CSTPP1: variants seen among roughly 807,000 people sequenced by gnomAD.
CSTPP1 encodes the protein UPF0705 protein C11orf49.
At chr11:47,011,653 G>A in the CSTPP1 span, among the ~76,000 whole-genome samples, 1 of 152,132 alleles carries the variant, frequency 6.6e-6, no homozygotes, top group Non-Finnish European at 1.5e-5. Context: ...CAAGAACTAC[G>A]ACTGGCTTGT....
chr11:46,996,702 A>T, the CSTPP1 span, among the ~76,000 whole-genome samples: 1 of 152,110 alleles, frequency 6.6e-6, no homozygotes, highest in African/African-American at 2.4e-5. Flanking sequence ...AGTGGCTGGT[A>T]CTGGTTTTTC....
At chr11:47,162,277 G>A in the CSTPP1 span, 1 of 984,844 alleles carries the variant, frequency 1.0e-6, no homozygotes, top group South Asian at 4.7e-5. Context: ...TAGGCTGAGG[G>A]GAGAAGGGAG....
At chr11:47,146,031 A>C in the CSTPP1 span, among the ~76,000 whole-genome samples, 1 of 152,048 alleles carries the variant, frequency 6.6e-6, no homozygotes, top group South Asian at 2.1e-4. Flanking sequence ...CTACAGGTGC[A>C]CACCACCACA....
the CSTPP1 span, among the ~76,000 whole-genome samples, chr11:47,046,524 T>C: frequency 6.6e-6 from 1 of 151,992 alleles, no homozygotes; most frequent in African/African-American, 2.4e-5. Flanking sequence ...TGAATGAAAT[T>C]AAAGAAGAGC....
the CSTPP1 span, among the ~76,000 whole-genome samples, chr11:47,144,152 A>C: frequency 6.6e-6 from 1 of 152,186 alleles, no homozygotes; most frequent in African/African-American, 2.4e-5. Context: ...CACCAACAAA[A>C]CCATGAACAC....
chr11:47,072,717 C>T, the CSTPP1 span, among the ~76,000 whole-genome samples: 1 of 151,440 alleles, frequency 6.6e-6, no homozygotes, highest in Non-Finnish European at 1.5e-5. Context: ...AAAAAATGAA[C>T]TTATAATTAC....
At chr11:47,014,694 A>G in the CSTPP1 span, among the ~76,000 whole-genome samples, 1 of 150,088 alleles carries the variant, frequency 6.7e-6, no homozygotes, top group African/African-American at 2.5e-5. Context: ...AACGAGCGAA[A>G]CTCTGTCTCA....
chr11:47,089,380 G>A, the CSTPP1 span, among the ~76,000 whole-genome samples: 1 of 152,012 alleles, frequency 6.6e-6, no homozygotes, highest in African/African-American at 2.4e-5. Flanking sequence ...ATTGTCTAAT[G>A]TTCATTGGAA....
the CSTPP1 span, among the ~76,000 whole-genome samples, chr11:46,988,119 T>G: frequency 6.6e-6 from 1 of 152,164 alleles, no homozygotes; most frequent in Admixed American, 6.5e-5. Context: ...GATGGGGATG[T>G]AAATTAGTAT....
the CSTPP1 span, among the ~76,000 whole-genome samples, chr11:46,983,377 C>T: frequency 6.6e-6 from 1 of 152,306 alleles, no homozygotes; most frequent in East Asian, 1.9e-4. Context: ...AAATGCTTAT[C>T]TCAGACAGTG....
the CSTPP1 span, among the ~76,000 whole-genome samples, chr11:47,050,119 C>T: frequency 6.6e-6 from 1 of 152,106 alleles, no homozygotes; most frequent in African/African-American, 2.4e-5. Flanking sequence ...GAAACAGATA[C>T]ACCAGGAAAA....
chr11:47,145,415 C>T, the CSTPP1 span, among the ~76,000 whole-genome samples: 2 of 151,880 alleles, frequency 1.3e-5, no homozygotes, highest in East Asian at 2.0e-4. Flanking sequence ...CATGGTGAAA[C>T]CCCGTCTCTA....
At chr11:47,145,608 T>C in the CSTPP1 span, among the ~76,000 whole-genome samples, 1 of 151,928 alleles carries the variant, frequency 6.6e-6, no homozygotes, top group African/African-American at 2.4e-5. Context: ...CAAGACTCTG[T>C]CCCTCCCAAA....
the CSTPP1 span, among the ~76,000 whole-genome samples, chr11:46,986,259 C>T: frequency 3.3e-5 from 5 of 152,090 alleles, no homozygotes; most frequent in Non-Finnish European, 5.9e-5. Flanking sequence ...TTTTATTATA[C>T]GCCCATGATT....
chr11:47,125,344 A>G, the CSTPP1 span, among the ~76,000 whole-genome samples: 1 of 152,170 alleles, frequency 6.6e-6, no homozygotes, highest in African/African-American at 2.4e-5. Context: ...TGTGGTCTTC[A>G]TAAGCACGCC....
chr11:47,157,883 A>T, the CSTPP1 span: 13 of 1,613,898 alleles, frequency 8.1e-6, no homozygotes, highest in Admixed American at 8.3e-5. Context: ...TGGATTCCTC[A>T]TGGCTCTCTC....
the CSTPP1 span, among the ~76,000 whole-genome samples, chr11:47,134,745 G>A: frequency 6.6e-6 from 1 of 152,188 alleles, no homozygotes; most frequent in Non-Finnish European, 1.5e-5. Context: ...AATAGGAAGT[G>A]AGTGGCCACT....
the CSTPP1 span, among the ~76,000 whole-genome samples, chr11:46,973,662 G>A: frequency 6.6e-6 from 1 of 152,068 alleles, no homozygotes; most frequent in African/African-American, 2.4e-5. Flanking sequence ...AATCCACACA[G>A]TATTTTGCTT....
At chr11:47,128,349 T>G in the CSTPP1 span, among the ~76,000 whole-genome samples, 1 of 152,358 alleles carries the variant, frequency 6.6e-6, no homozygotes, top group East Asian at 1.9e-4. Context: ...TTTGTTTTTA[T>G]AAATATTAAA....
Sources: gnomAD v4.1 joint callset for allele counts (sites outside exome capture counted in the v4.1 genomes callset) on GRCh38, gnomAD v4.1.1 for gene constraint, MANE v1.5 for transcripts, NCBI Gene and HGNC (gene_info 2026-07-23, HGNC 2026-07-21) for gene names.